VWF: variants seen among roughly 807,000 people sequenced by gnomAD.
The protein encoded by VWF is Factor VIII related antigen.
VWF carries 176 observed loss-of-function variants against 308.6 expected under a neutral mutation model. The ratio of observed to expected loss-of-function variants is 0.57; its 90% CI spans 0.50 to 0.65. The LOEUF (loss-of-function observed/expected upper bound fraction) is 0.65, where lower values mean the gene tolerates loss of function less well. Ranked by LOEUF, VWF falls within the 30% of genes least tolerant of loss-of-function variation. The pLI, the probability that VWF is intolerant of heterozygous loss-of-function variation, is 0.00. For missense variants in VWF, 3,146 were observed against 3,648.2 expected (o/e 0.86, Z 3.55); for synonymous variants, 1,385 against 1,443.4 (o/e 0.96, Z 0.92).
At chr12:6,110,616 T>A (rs775180413) in intron 4 of VWF, 34 bp from the exon 5 acceptor site, 1 of 1,606,518 alleles carries the variant, frequency 6.2e-7, no homozygotes, top group Non-Finnish European at 8.5e-7. Flanking sequence ...GAAGTGGGCT[T>A]CTTGTGCATT....
chr12:6,012,130 C>T lies in VWF; in HGVS notation c.5621G>A (p.Gly1874Glu). Residue 1874 changes from glycine (G) to glutamate (E), a missense_variant and splice_region_variant, in exon 33 of 52, where the codon GGA (glycine) becomes GAA (glutamate). Physicochemically the swap from Gly to Glu is moderately conservative, Grantham distance 98 (BLOSUM62 -2). Around this residue, in one of 3 missense-constraint regions of VWF, gnomAD observed 853 missense variants for 1,177.8 expected, o/e 0.72. Coordinates refer to ENST00000261405, the MANE Select transcript of VWF (RefSeq NM_000552.5). ...GNSFLHKLCS[G>E]FVRICMDEDG... The stretch of plus-strand genomic sequence containing the variant: ...CTCATCCATGCAAATCCTAACAAAT[C>T]CTGCAACAGACACAAATAAGACCTT... The T allele has an allele frequency of 6.2e-7, 1 of 1,614,032 alleles. No homozygotes were observed. The highest frequency in any genetic ancestry group is 8.5e-7 in the Non-Finnish European group (1 of 1,179,908).
chr12:6,032,895 C>A (rs1362639547), intron 20 of VWF, among the ~76,000 whole-genome samples: 1 of 86,802 alleles, frequency 1.2e-5, no homozygotes, highest in African/African-American at 4.9e-5. Context: ...CACGCATACA[C>A]ATACATACAC....
At chr12:6,115,075 C>T (rs965341167) in intron 3 of VWF, among the ~76,000 whole-genome samples, 1 of 152,158 alleles carries the variant, frequency 6.6e-6, no homozygotes, top group Non-Finnish European at 1.5e-5. Flanking sequence ...CTTGCTCTAT[C>T]GCTCAGGATG....
rs1410697142 is a variant in VWF at position 6,075,429 on chromosome 12, C to A, written c.780G>T (p.Gly260=). Residue 260 remains glycine, a synonymous_variant, in exon 7 of 52, where the codon GGG becomes GGT. Coordinates refer to ENST00000261405, the MANE Select transcript of VWF (RefSeq NM_000552.5). This position sits in a 1 kb window ranked among gnomAD's most constrained non-coding sequence, Gnocchi z 4.7. ...CEKTLCECAG[G]LECACPALLE... Reference sequence around the variant, plus strand: ...GGAGGGCAGGGCAGGCGCACTCCAGCCCCCCAGCACACTCACACAAAGTCT... The same window carrying A: ...GGAGGGCAGGGCAGGCGCACTCCAGACCCCCAGCACACTCACACAAAGTCT... 1 of 1,614,138 alleles carries A rather than the reference C, an allele frequency of 6.2e-7. No homozygotes were observed. Among genetic ancestry groups the A allele is most frequent in the Non-Finnish European group, 8.5e-7 (1 of 1,180,014 alleles).
chr12:5,996,047 C>T lies in VWF; in HGVS notation c.6018G>A (p.Glu2006=). The T allele has an allele frequency of 6.2e-7, 1 of 1,613,716 alleles. No individual in the cohort carries two copies. Among genetic ancestry groups the T allele is most frequent in the Non-Finnish European group, 8.5e-7 (1 of 1,180,020 alleles). Residue 2006 remains glutamate, a synonymous_variant, in exon 35 of 52, where the codon GAG becomes GAA. Coordinates refer to ENST00000261405, the MANE Select transcript of VWF (RefSeq NM_000552.5). ...CGACGGAGAGGGCACTGTGCTTCACCTCGATGGATTTCATGCAGCCCTGCC... is the reference window on the plus strand; with the variant it reads ...CGACGGAGAGGGCACTGTGCTTCACTTCGATGGATTTCATGCAGCCCTGCC... ...GARQGCMKSI[E]VKHSALSVEL...
chr12:5,968,116 C>T lies in VWF; in HGVS notation c.7770+11G>A, dbSNP rs1051673950. Reference sequence around the variant, plus strand: ...CCACCACTTGCTCTGGAGAAGAGGACAGCGGCTCACCCCAATGACAGTGCC... The same window carrying T: ...CCACCACTTGCTCTGGAGAAGAGGATAGCGGCTCACCCCAATGACAGTGCC... On this transcript the variant is annotated intron_variant, in intron 46 of 51. Transcript: ENST00000261405. The T allele has an allele frequency of 1.2e-6, 2 of 1,613,988 alleles. No individual in the cohort carries two copies. The highest frequency in any genetic ancestry group is 1.7e-5 in the Admixed American group (1 of 60,010).
chr12:6,075,237 G>A lies in VWF; in HGVS notation c.874+98C>T, dbSNP rs1471876419. On this transcript the variant is annotated intron_variant, in intron 7 of 51. Transcript: ENST00000261405. The surrounding 1 kb of genome is among the most constrained non-coding windows in gnomAD (Gnocchi z 4.7). ...CTGGCTGGCTGGGTGTGGTAAAGCC[G>A]CACATACGTGACACAGCCCCGAAGC... is the stretch of plus-strand genomic sequence containing the variant. 22 of 1,477,138 alleles carry A rather than the reference G, an allele frequency of 1.5e-5. No individual in the cohort carries two copies. Among genetic ancestry groups the A allele is most frequent in the Middle Eastern group, 2.3e-4 (1 of 4,416 alleles). The allele number at this position is 1,477,138 out of a possible 1,614,324, so 91.5% of individuals were successfully genotyped here. A position where few individuals can be genotyped will look rare whatever the true frequency, so the allele number is the denominator to read the frequency against.
rs1054951947 is a variant in VWF, at chr12:6,062,559, G to A, written c.1533+395C>T. Reference sequence around the variant, plus strand: ...GGTGGTTTCCTGAGCAACCTTTCCCGGGCAGGCTTTCTCTTAGCTGAGAGT... The same window carrying A: ...GGTGGTTTCCTGAGCAACCTTTCCCAGGCAGGCTTTCTCTTAGCTGAGAGT... On this transcript the variant is annotated intron_variant, in intron 13 of 51. Transcript: ENST00000261405. Among the ~76,000 whole-genome samples the A allele has an allele frequency of 7.9e-5, 12 of 151,912 alleles. No individual in the cohort carries two copies. In the South Asian group the frequency reaches 1.2e-3, roughly 16 times the overall value.
chr12:6,088,343 G>A (rs1046406259), intron 6 of VWF, among the ~76,000 whole-genome samples: 3 of 152,120 alleles, frequency 2.0e-5, no homozygotes, highest in Non-Finnish European at 4.4e-5. Flanking sequence ...ACTGGGCGTG[G>A]TGACAGGCGC....
intron 34 of VWF, among the ~76,000 whole-genome samples, chr12:6,003,448 C>T (rs966791722): frequency 1.4e-5 from 2 of 145,928 alleles, no homozygotes; most frequent in African/African-American, 5.1e-5. Context: ...CCATGGTAAC[C>T]ATAAAGAAAA....
chr12:6,038,612 G>C (rs1418207178), intron 18 of VWF, among the ~76,000 whole-genome samples: 1 of 152,214 alleles, frequency 6.6e-6, no homozygotes, highest in Non-Finnish European at 1.5e-5. Context: ...TCAGGTGTGA[G>C]ATAACAATGC....
chr12:6,064,207 G>T, intron 12 of VWF, 39 bp downstream of exon 12: 1 of 1,613,928 alleles, frequency 6.2e-7, no homozygotes. Flanking sequence ...GGGATGGGCT[G>T]TGCCAGCCCC....
At position 5,975,965 on chromosome 12, in the gene VWF, G is replaced by A. The variant is rs566858898; in HGVS notation, c.7437+146C>T. The A allele has an allele frequency of 4.3e-5, 51 of 1,197,976 alleles. No individual in the cohort carries two copies. The African/African-American group carries it at 5.3e-4, about 12-fold the overall frequency. The allele number at this position is 1,197,976 out of a possible 1,614,324, so 74.2% of individuals were successfully genotyped here. On this transcript the variant is annotated intron_variant, in intron 43 of 51. Transcript: ENST00000261405. Reference sequence around the variant, plus strand: ...CGGGAGGCAGAGCTTGCAGTGAGCCGAGATTGTGCCACTGCACTCCAGCCT... The same window carrying A: ...CGGGAGGCAGAGCTTGCAGTGAGCCAAGATTGTGCCACTGCACTCCAGCCT...
At chr12:6,092,629 GT>G (rs1945059647) in intron 6 of VWF, among the ~76,000 whole-genome samples, 2 of 128,050 alleles carry the variant, frequency 1.6e-5, no homozygotes, top group East Asian at 2.3e-4. Flanking sequence ...GTGTGTGTGT[GT>G]GTGTGTGTGT....
chr12:6,012,763 G>A (rs1365077302), intron 32 of VWF, among the ~76,000 whole-genome samples: 2 of 150,746 alleles, frequency 1.3e-5, no homozygotes, highest in Non-Finnish European at 3.0e-5. Flanking sequence ...GTACAGTGGC[G>A]CGATCTCGGC....
intron 41 of VWF, among the ~76,000 whole-genome samples, chr12:5,982,568 C>T (rs887939384): frequency 6.6e-6 from 1 of 152,168 alleles, no homozygotes; most frequent in Non-Finnish European, 1.5e-5. Flanking sequence ...TGCTCTCCTC[C>T]CACCTTGAAG....
At position 6,073,623 on chromosome 12, in the gene VWF, G is replaced by A; in HGVS notation, c.993C>T (p.Cys331=). The A allele has an allele frequency of 6.2e-7, 1 of 1,614,070 alleles. No homozygotes were observed. The highest frequency in any genetic ancestry group is 8.5e-7 in the Non-Finnish European group (1 of 1,180,038). The stretch of plus-strand genomic sequence containing the variant: ...ATAAAGTGGGAAGTTCATTACCAGG[G>A]CAGCTGCAGCCATCCACGCATCGCT... ...CQERCVDGCS[C]PEGQLLDEGL... Residue 331 remains cysteine, a synonymous_variant, in exon 8 of 52, where the codon TGC becomes TGT. Transcript: ENST00000261405.
intron 19 of VWF, among the ~76,000 whole-genome samples, chr12:6,035,594 A>G (rs954744254): frequency 2.0e-5 from 3 of 152,114 alleles, no homozygotes; most frequent in Admixed American, 2.0e-4. Context: ...GGCCAAGGAA[A>G]AGGGAGAAGG....
At chr12:5,974,115 C>A (rs184207741) in intron 43 of VWF, among the ~76,000 whole-genome samples, 8 of 152,080 alleles carry the variant, frequency 5.3e-5, no homozygotes, top group Non-Finnish European at 1.0e-4. Flanking sequence ...ACACATGGAC[C>A]GGCATATATG....
Sources: gnomAD v4.1 joint callset for allele counts (sites outside exome capture counted in the v4.1 genomes callset) on GRCh38, gnomAD v4.1.1 for gene constraint, gnomAD v4.1.1 regional missense constraint, Gnocchi (gnomAD v3.1) non-coding constraint, MANE v1.5 for transcripts, NCBI Gene and HGNC (gene_info 2026-07-23, HGNC 2026-07-21) for gene names.